The following TRAF2 variants were observed in gnomAD, a reference collection of about 807,000 sequenced individuals.
TRAF2 encodes the protein TNF receptor-associated factor 2.
A neutral mutation model predicts 55.6 loss-of-function variants in TRAF2; 6 were observed. The observed-to-expected ratio is 0.11, with a 90% confidence interval of 0.06 to 0.21. TRAF2 has a LOEUF of 0.21. Among genes scored for constraint, TRAF2 ranks in the 10% least tolerant of loss-of-function variants. The pLI is 1.00. For missense variants in TRAF2, 561 were observed against 684.5 expected, an observed-to-expected ratio of 0.82 and a Z score of 2.01; for synonymous variants, 329 against 276.3, an observed-to-expected ratio of 1.19 and a Z score of -1.89.
At position 136,899,648 on chromosome 9, in the gene TRAF2, C is replaced by T. The variant is rs148192660; in HGVS notation, c.243C>T (p.Gly81=). The change falls in exon 3 of 11, where the codon GGC becomes GGT. Residue 81 remains glycine, a synonymous_variant. Transcript: ENST00000247668. ...TTCACGAGGGCATATATGAAGAAGG[C>T]ATTTCTATTTTAGAAAGCAGTTCGG... ...ACVHEGIYEE[G]ISILESSSAF... is the part of the protein sequence containing the mutation. 3.0e-3 allele frequency: 4,888 copies of T among 1,612,882 alleles called. 9 individuals are homozygous for T. Among genetic ancestry groups the T allele is most frequent in the Non-Finnish European group, 3.7e-3 (4,389 of 1,179,104 alleles).
chr9:136,900,577 A>G (rs1254696915), intron 4 of TRAF2, 57 bp downstream of exon 4: 6 of 1,410,802 alleles, frequency 4.3e-6, no homozygotes, highest in Non-Finnish European at 6.0e-6. Context: ...GGAGTCGTCC[A>G]CGCTCCCCAA....
In TRAF2 at chr9:136,924,105, G is replaced by A. The variant is rs192838580; in HGVS notation, c.1287+105G>A. The A allele has an allele frequency of 3.9e-4, 544 of 1,396,916 alleles. 1 individual carries two copies. Among genetic ancestry groups the A allele is most frequent in the Middle Eastern group, 2.1e-3 (8 of 3,870 alleles). The allele number at this position is 1,396,916 out of a possible 1,614,324, so 86.5% of individuals were successfully genotyped here. On this transcript the variant is annotated intron_variant, in intron 10 of 10. Coordinates refer to ENST00000247668, the MANE Select transcript of TRAF2 (RefSeq NM_021138.4). ...GTGCGGGACAAGGTGGCTTGGGCTCGCTGGACCAGGTGTCTGCAGCAGGCA... is the reference window on the plus strand; with the variant it reads ...GTGCGGGACAAGGTGGCTTGGGCTCACTGGACCAGGTGTCTGCAGCAGGCA...
intron 6 of TRAF2, among the ~76,000 whole-genome samples, chr9:136,912,327 A>G (rs1198709230): frequency 6.7e-6 from 1 of 149,804 alleles, no homozygotes; most frequent in Non-Finnish European, 1.5e-5. Flanking sequence ...CCACCTAGCT[A>G]ATTTTTGTAT....
chr9:136,919,685 C>G (rs1170327704), intron 7 of TRAF2, among the ~76,000 whole-genome samples: 1 of 151,218 alleles, frequency 6.6e-6, no homozygotes, highest in Non-Finnish European at 1.5e-5. Context: ...TCCCCTTCTT[C>G]CCTTCATCCC....
rs1028495292 is a variant in TRAF2, at chr9:136,904,132, A to C, written c.366+3612A>C. On this transcript the variant is annotated intron_variant, in intron 4 of 10. Transcript: ENST00000247668. ...CCTACTTTCAGCCCTTCAACCCCCC[A>C]CACACATTTTTTTCTTTTCTGGCTT... Among the ~76,000 whole-genome samples the C allele has an allele frequency of 5.3e-5, 8 of 152,260 alleles. No individual in the cohort carries two copies. In the South Asian group the frequency reaches 1.2e-3, roughly 24 times the overall value.
intron 9 of TRAF2, among the ~76,000 whole-genome samples, chr9:136,923,627 A>C (rs1310499040): frequency 1.3e-5 from 2 of 151,618 alleles, no homozygotes; most frequent in Non-Finnish European, 2.9e-5. Flanking sequence ...AAAAAAAAAA[A>C]AAAAAAAACT....
At chr9:136,884,369 G>A (rs1331541884), upstream of TRAF2, among the ~76,000 whole-genome samples, 2 of 151,786 alleles carry the variant, frequency 1.3e-5, no homozygotes, top group African/African-American at 4.8e-5. Flanking sequence ...ACCAGCCTGA[G>A]CAACACGGTG....
At chr9:136,910,224 A>T in intron 6 of TRAF2, 1 of 588,746 alleles carries the variant, frequency 1.7e-6, no homozygotes, top group Non-Finnish European at 3.0e-6. Flanking sequence ...CCTCCAGTGT[A>T]CATAGCTGCT....
At chr9:136,882,134 G>A (rs988117743), upstream of TRAF2, 42 of 775,402 alleles carry the variant, frequency 5.4e-5, no homozygotes, top group Non-Finnish European at 6.4e-5. Context: ...GGCTCCATGT[G>A]CAAGCTGGGC....
chr9:136,896,314 G>A (rs1445467081), intron 1 of TRAF2, among the ~76,000 whole-genome samples: 2 of 152,250 alleles, frequency 1.3e-5, no homozygotes, highest in Non-Finnish European at 2.9e-5. Flanking sequence ...CCCCCACGGG[G>A]AGCGCAAGAA....
chr9:136,907,607 T>G (rs1849984983), intron 4 of TRAF2, among the ~76,000 whole-genome samples: 1 of 152,144 alleles, frequency 6.6e-6, no homozygotes. Flanking sequence ...TCCCTACCTC[T>G]TCACACCTCC....
intron 5 of TRAF2, 96 bp from the exon 6 acceptor site, chr9:136,909,824 C>A (rs1172821902): frequency 9.2e-6 from 12 of 1,297,392 alleles, no homozygotes; most frequent in African/African-American, 4.4e-5. Context: ...GCTCCTGCGG[C>A]CCCTCGGCGC....
chr9:136,916,416 T>A, intron 6 of TRAF2, 125 bp from the exon 7 acceptor site: 1 of 875,668 alleles, frequency 1.1e-6, no homozygotes, highest in Non-Finnish European at 1.9e-6. Flanking sequence ...TTTCATTCAG[T>A]GTGAGAGTGA....
chr9:136,883,282 C>T (rs1053765453), upstream of TRAF2, among the ~76,000 whole-genome samples: 1 of 152,130 alleles, frequency 6.6e-6, no homozygotes, highest in Non-Finnish European at 1.5e-5. Flanking sequence ...CTGGGCGGCA[C>T]GGGGCAGTCA....
intron 1 of TRAF2, among the ~76,000 whole-genome samples, chr9:136,894,634 C>G (rs1170504311): frequency 6.6e-6 from 1 of 152,098 alleles, no homozygotes; most frequent in African/African-American, 2.4e-5. Flanking sequence ...GGGCTAAACC[C>G]AGTGGCCGGG....
chr9:136,913,458 C>T (rs1206871712), intron 6 of TRAF2, among the ~76,000 whole-genome samples: 4 of 151,532 alleles, frequency 2.6e-5, no homozygotes, highest in African/African-American at 4.8e-5. Context: ...CCACCATGCC[C>T]GGCTAATTTT....
rs772734892 is a variant in TRAF2 at position 136,900,483 on chromosome 9, A to G, written c.329A>G (p.Asp110Gly). ...AGCCTGCCGGCCGTCTGTCCCAGTG[A>G]TGGATGCACCTGGAAGGGGACCCTG... The part of the protein sequence containing the change: ...VESLPAVCPS[D>G]GCTWKGTLKE... The change falls in exon 4 of 11, where the codon GAT (aspartate) becomes GGT (glycine). Residue 110 changes from aspartate to glycine, a missense_variant. By Grantham distance (94) the Asp-to-Gly change is moderately conservative. Around this residue, in one of 2 missense-constraint regions of TRAF2, gnomAD observed 426 missense variants for 476.8 expected, o/e 0.89. Coordinates refer to ENST00000247668, the MANE Select transcript of TRAF2 (RefSeq NM_021138.4). 1 of 1,613,890 alleles carries G rather than the reference A, an allele frequency of 6.2e-7. No individual in the cohort carries two copies. The highest frequency in any genetic ancestry group is 8.5e-7 in the Non-Finnish European group (1 of 1,179,890).
intron 7 of TRAF2, among the ~76,000 whole-genome samples, chr9:136,918,736 T>G (rs1309986787): frequency 6.6e-6 from 1 of 151,616 alleles, no homozygotes; most frequent in Non-Finnish European, 1.5e-5. Flanking sequence ...TTATTTTGTT[T>G]TATTTCATTT....
chr9:136,904,224 AAT>A (rs2131300431), intron 4 of TRAF2, among the ~76,000 whole-genome samples: 2 of 152,178 alleles, frequency 1.3e-5, no homozygotes, highest in Middle Eastern at 3.4e-3. Context: ...TATTTTTAGA[AAT>A]AGAGTCTCGC....
Sources: allele counts gnomAD v4.1 joint callset (sites outside exome capture counted in the v4.1 genomes callset), GRCh38; gene constraint gnomAD v4.1.1; regional missense constraint gnomAD v4.1.1; transcripts MANE v1.5; gene names NCBI Gene and HGNC (gene_info 2026-07-23, HGNC 2026-07-21).